Variants in RAP1GAP2 observed in about 807,000 individuals in gnomAD.
RAP1GAP2 encodes RAP1 GTPase activating protein 2.
Under a neutral mutation model 95.0 loss-of-function variants are expected in RAP1GAP2, and 27 were observed. The observed-to-expected ratio is 0.28, with a 90% CI of 0.21 to 0.39. RAP1GAP2 has a LOEUF of 0.39. Among genes scored for constraint, RAP1GAP2 ranks in the 10% least tolerant of loss-of-function variants. The probability of loss-of-function intolerance (pLI) is 1.00; values close to 1 mark genes in which losing one functional copy is unlikely to be tolerated. For missense variants in RAP1GAP2, 771 were observed against 970.0 expected (o/e 0.79, Z 2.72); for synonymous variants, 373 against 380.9 (o/e 0.98, Z 0.24).
chr17:2,904,571 C>CGTGT lies in RAP1GAP2; in HGVS notation c.81-710_81-709insTGTG, dbSNP rs1176442113. Among the ~76,000 whole-genome samples the CGTGT allele has an allele frequency of 1.7e-4, 4 of 23,174 alleles. No homozygotes were observed. The highest frequency in any genetic ancestry group is 6.5e-4 in the East Asian group (1 of 1,548). The allele number at this position is 23,174 out of a possible 152,430, so 15.2% of individuals were successfully genotyped here. A position where few individuals can be genotyped will look rare whatever the true frequency, so the allele number is the denominator to read the frequency against. On this transcript the variant is annotated intron_variant, in intron 2 of 24. Transcript: ENST00000254695. The surrounding 1 kb of genome is among the most constrained non-coding windows in gnomAD (Gnocchi z 4.7). ...GTGTGTGTGTGTGTGTGTGTGTGTACGTGCAGAGGGGCTCAAGGGAGAATG... is the reference window on the plus strand; with the variant it reads ...GTGTGTGTGTGTGTGTGTGTGTGTACGTGTGTGCAGAGGGGCTCAAGGGAGAATG...
At chr17:2,887,344 C>T (rs1490744401) in intron 2 of RAP1GAP2, among the ~76,000 whole-genome samples, 2 of 151,860 alleles carry the variant, frequency 1.3e-5, no homozygotes, top group Admixed American at 1.3e-4. Flanking sequence ...AGGCATGAGC[C>T]ACCGTACCTG....
chr17:2,967,133 T>C (rs542338464), intron 8 of RAP1GAP2, among the ~76,000 whole-genome samples: 72 of 151,648 alleles, frequency 4.7e-4, no homozygotes, highest in African/African-American at 1.3e-3. Flanking sequence ...CTTTGGGAGG[T>C]CAAGGCGGGT....
At chr17:2,770,192 G>C in intron 1 of RAP1GAP2, 2 of 395,728 alleles carry the variant, frequency 5.1e-6, no homozygotes, top group Non-Finnish European at 8.9e-6. Context: ...TCTGGAAACA[G>C]GGCTTTCTGG....
At chr17:2,935,658 C>G (rs529844261) in intron 3 of RAP1GAP2, among the ~76,000 whole-genome samples, 1 of 152,280 alleles carries the variant, frequency 6.6e-6, no homozygotes, top group East Asian at 1.9e-4. Flanking sequence ...ATTTGTCGTT[C>G]GATCACTGTT....
chr17:2,857,822 G>A lies in RAP1GAP2; in HGVS notation c.81-47462G>A, dbSNP rs984507328. On this transcript the variant is annotated intron_variant, in intron 2 of 24. Coordinates refer to ENST00000254695, the MANE Select transcript of RAP1GAP2 (RefSeq NM_015085.5). This position sits in a 1 kb window ranked among gnomAD's most constrained non-coding sequence, Gnocchi z 4.0. ...GATCAAAATATGTACGTTCTTGGCC[G>A]GGCGCGGCAGCTCACGCCTGTAATC... Among the ~76,000 whole-genome samples the A allele has an allele frequency of 6.6e-6, 1 of 152,150 alleles. No individual in the cohort carries two copies. The highest frequency in any genetic ancestry group is 6.6e-5 in the Admixed American group (1 of 15,252).
At chr17:2,893,436 A>C (rs1249096400) in intron 2 of RAP1GAP2, among the ~76,000 whole-genome samples, 1 of 152,248 alleles carries the variant, frequency 6.6e-6, no homozygotes, top group East Asian at 1.9e-4. Context: ...AACAGGCTTC[A>C]GAATATCTCT....
chr17:2,989,031 C>T (rs537689996), intron 11 of RAP1GAP2, among the ~76,000 whole-genome samples: 1 of 152,134 alleles, frequency 6.6e-6, no homozygotes, highest in South Asian at 2.1e-4. Context: ...TGCACTCTAG[C>T]CTGGGTGACA....
Position 3,004,793 on chromosome 17 carries a change from C to G in RAP1GAP2, c.1201-576C>G, listed in dbSNP as rs1356573164. 6.6e-6 allele frequency among the ~76,000 whole-genome samples: 1 copy of G among 152,222 alleles called. No homozygotes were observed. Among genetic ancestry groups the G allele is most frequent in the Admixed American group, 6.5e-5 (1 of 15,292 alleles). On this transcript the variant is annotated intron_variant, in intron 14 of 24. Coordinates refer to ENST00000254695, the MANE Select transcript of RAP1GAP2 (RefSeq NM_015085.5). The surrounding 1 kb of genome is among the most constrained non-coding windows in gnomAD (Gnocchi z 4.1). Reference sequence around the variant, plus strand: ...CCCTTCCGATTCGGCAGGTTTAGGCCAGAGCCCATGAACCCAGTCTGTATT... The same window carrying G: ...CCCTTCCGATTCGGCAGGTTTAGGCGAGAGCCCATGAACCCAGTCTGTATT...
rs529779149 is a variant in RAP1GAP2, at chr17:2,861,506, C to T, written c.81-43778C>T. 1.8e-4 allele frequency among the ~76,000 whole-genome samples: 26 copies of T among 147,864 alleles called. 1 individual carries two copies. In the South Asian group the frequency reaches 3.0e-3, roughly 17 times the overall value. On this transcript the variant is annotated intron_variant, in intron 2 of 24. Transcript: ENST00000254695. ...TTTTTTTTTTTTTGAGACAGAGTCT[C>T]GCCCAGGCTGGAGTGCAATGGCGTG...
At chr17:2,853,923 G>C in intron 2 of RAP1GAP2, 1 of 981,610 alleles carries the variant, frequency 1.0e-6, no homozygotes, top group Non-Finnish European at 1.2e-6. Context: ...CTCAGGGGCC[G>C]GGTGCGGAGC....
rs1029408922 is a variant in RAP1GAP2 at position 3,003,501 on chromosome 17, C to T, written c.1201-1868C>T. Among the ~76,000 whole-genome samples, 4 of 152,048 alleles carry T rather than the reference C, an allele frequency of 2.6e-5. No individual in the cohort carries two copies. Among genetic ancestry groups the T allele is most frequent in the South Asian group, 2.1e-4 (1 of 4,820 alleles). On this transcript the variant is annotated intron_variant, in intron 14 of 24. Coordinates refer to ENST00000254695, the MANE Select transcript of RAP1GAP2 (RefSeq NM_015085.5). The surrounding 1 kb of genome is among the most constrained non-coding windows in gnomAD (Gnocchi z 4.1). Reference sequence around the variant, plus strand: ...TTCCCGTCACGACTTGTCTGTTGCTCGGACGATGCTCTGTGTGCCACCGCG... The same window carrying T: ...TTCCCGTCACGACTTGTCTGTTGCTTGGACGATGCTCTGTGTGCCACCGCG...
intron 2 of RAP1GAP2, among the ~76,000 whole-genome samples, chr17:2,858,564 T>G (rs1400199000): frequency 6.6e-6 from 1 of 152,130 alleles, no homozygotes; most frequent in Non-Finnish European, 1.5e-5. Flanking sequence ...GAAGTAAATC[T>G]CAGGTACTAG....
intron 19 of RAP1GAP2, among the ~76,000 whole-genome samples, chr17:3,025,194 C>G (rs1243871257): frequency 2.6e-5 from 4 of 152,126 alleles, no homozygotes; most frequent in Non-Finnish European, 4.4e-5. Context: ...TTGGCCAATG[C>G]AATGAAACCC....
intron 11 of RAP1GAP2, among the ~76,000 whole-genome samples, chr17:2,989,236 C>T (rs2045670085): frequency 6.6e-6 from 1 of 152,112 alleles, no homozygotes; most frequent in Non-Finnish European, 1.5e-5. Flanking sequence ...GTGGTATCAC[C>T]TTATGGTTTT....
At chr17:2,832,285 G>A (rs935061070) in intron 2 of RAP1GAP2, among the ~76,000 whole-genome samples, 25 of 151,172 alleles carry the variant, frequency 1.7e-4, no homozygotes, top group East Asian at 3.9e-4. Context: ...TCGGCCGGGC[G>A]CGGTGGCTCA....
intron 2 of RAP1GAP2, among the ~76,000 whole-genome samples, chr17:2,886,116 T>TC (rs1451111225): frequency 1.3e-5 from 2 of 151,786 alleles, no homozygotes; most frequent in African/African-American, 4.8e-5. Flanking sequence ...GAATTTTTTT[T>TC]CCCAATGAAT....
upstream of RAP1GAP2, chr17:2,755,671 T>G (rs2071124539): frequency 3.6e-6 from 1 of 281,422 alleles, no homozygotes; most frequent in Admixed American, 5.3e-5. Flanking sequence ...CAGCCGAGCC[T>G]CCTCCACCGT....
rs373169664 is a variant in RAP1GAP2, at chr17:3,020,562, G to C, written c.1718G>C (p.Gly573Ala). 1.2e-6 allele frequency: 2 copies of C among 1,613,782 alleles called. No individual in the cohort carries two copies. The change falls in exon 19 of 25, where the codon GGC (glycine) becomes GCC (alanine). Residue 573 changes from glycine to alanine, a missense_variant. Transcript: ENST00000254695. ...RSGLFPRLHT[G>A]SEGQGDSRAR... ...GGGCTCTTCCCCCGCCTGCACACGG[G>C]CTCAGAAGGCCAGGGCGACAGCCGG...
At chr17:2,810,732 C>T (rs903096562) in intron 2 of RAP1GAP2, among the ~76,000 whole-genome samples, 12 of 151,994 alleles carry the variant, frequency 7.9e-5, no homozygotes, top group African/African-American at 1.9e-4. Flanking sequence ...GGTTTCACCA[C>T]GTTGGTCAGG....
Sources: gnomAD v4.1 joint callset for allele counts (sites outside exome capture counted in the v4.1 genomes callset) on GRCh38, gnomAD v4.1.1 for gene constraint, Gnocchi (gnomAD v3.1) non-coding constraint, MANE v1.5 for transcripts, NCBI Gene and HGNC (gene_info 2026-07-23, HGNC 2026-07-21) for gene names.